RABGEF1: variants seen among roughly 807,000 people sequenced by gnomAD.
RABGEF1 encodes the protein RAB guanine nucleotide exchange factor 1, also known as rab5 GDP/GTP exchange factor.
A neutral mutation model predicts 57.3 loss-of-function variants in RABGEF1; 26 were observed. The observed-to-expected ratio is 0.45, with a 90% CI of 0.33 to 0.63. RABGEF1 has a LOEUF of 0.63. RABGEF1 is among the 20% of genes least tolerant of loss of function. The pLI is 0.02. For missense variants in RABGEF1, 464 were observed against 607.6 expected (o/e 0.76, Z 2.48); for synonymous variants, 185 against 210.7 (o/e 0.88, Z 1.06).
rs1266509136 is a variant in RABGEF1, at chr7:66,791,144, G to C, written c.514-4367G>C. Among the ~76,000 whole-genome samples, 13 of 152,228 alleles carry C rather than the reference G, an allele frequency of 8.5e-5. No homozygotes were observed. The South Asian group carries it at 1.0e-3, about 12-fold the overall frequency. On this transcript the variant is annotated intron_variant, in intron 4 of 8. Coordinates refer to ENST00000284957, the MANE Select transcript of RABGEF1 (RefSeq NM_014504.3). The stretch of plus-strand genomic sequence containing the variant: ...ATATGCGTTCCTTAGACACTGTCTA[G>C]CTGCTAAAAATGACGGATTTCTGGC...
chr7:66,672,179 T>C, the RABGEF1 span, among the ~76,000 whole-genome samples: 1 of 151,526 alleles, frequency 6.6e-6, no homozygotes, highest in African/African-American at 2.4e-5. Flanking sequence ...TCCCAGCACT[T>C]TGGGAGGCCG....
At chr7:66,743,720 C>T (rs1799538662) in intron 1 of RABGEF1, among the ~76,000 whole-genome samples, 1 of 152,136 alleles carries the variant, frequency 6.6e-6, no homozygotes, top group Admixed American at 6.5e-5. Flanking sequence ...CCAGGATGGT[C>T]TCAATCTCCT....
At chr7:66,790,789 C>G (rs1378647913) in intron 4 of RABGEF1, among the ~76,000 whole-genome samples, 2 of 152,192 alleles carry the variant, frequency 1.3e-5, no homozygotes, top group African/African-American at 4.8e-5. Flanking sequence ...AATGTGTTCT[C>G]TGATTTTTAG....
At chr7:66,755,953 A>G in intron 1 of RABGEF1, 4 of 836,842 alleles carry the variant, frequency 4.8e-6, no homozygotes, top group African/African-American at 3.5e-5. Flanking sequence ...AAACTCTGAC[A>G]TTGACATTCA....
At chr7:66,715,750 C>CT (rs962927162) in intron 2 of RABGEF1, among the ~76,000 whole-genome samples, 13 of 147,298 alleles carry the variant, frequency 8.8e-5, no homozygotes, top group South Asian at 6.4e-4. Flanking sequence ...GTTCTATATG[C>CT]TTTTTTTTTT....
At chr7:66,702,745 CA>C (rs1157248352) in intron 1 of RABGEF1, among the ~76,000 whole-genome samples, 6 of 152,112 alleles carry the variant, frequency 3.9e-5, no homozygotes, top group Non-Finnish European at 5.9e-5. Flanking sequence ...AACAGATTTT[CA>C]TGTGCTTTTT....
upstream of RABGEF1, among the ~76,000 whole-genome samples, chr7:66,736,467 G>A (rs575918640): frequency 2.0e-5 from 3 of 152,162 alleles, no homozygotes; most frequent in Admixed American, 6.6e-5. Flanking sequence ...TTTGGGCAAA[G>A]AATACAATGT....
intron 1 of RABGEF1, among the ~76,000 whole-genome samples, chr7:66,705,439 AAGAAAGAG>A (rs1481094918): frequency 1.2e-3 from 64 of 55,048 alleles, no homozygotes; most frequent in African/African-American, 3.0e-3. Flanking sequence ...TCCATCTCGA[AAGAAAGAG>A]AGAGAGAGAG....
rs201838145 is a variant in RABGEF1 at position 66,705,876 on chromosome 7, A to AT, written c.-872-6254dup. ...GGGCACACACCACCACACCCAGCTA[A>AT]TTTTTTTTTTTTTTTTTTTTTTTTT... On this transcript the variant is annotated intron_variant and NMD_transcript_variant, in intron 1 of 9. Transcript: ENST00000607882. Among the ~76,000 whole-genome samples, 38 of 45,172 alleles carry AT rather than the reference A, an allele frequency of 8.4e-4. 5 individuals are homozygous for AT. The highest frequency in any genetic ancestry group is 1.0e-3 in the Admixed American group (3 of 2,978). 29.6% of individuals were successfully genotyped at this position (45,172 alleles called of 152,430 possible). A position where few individuals can be genotyped will look rare whatever the true frequency, so the allele number is the denominator to read the frequency against.
At chr7:66,799,222 G>C in intron 6 of RABGEF1, 101 bp from the exon 7 acceptor site, 1 of 820,486 alleles carries the variant, frequency 1.2e-6, no homozygotes, top group Non-Finnish European at 2.0e-6. Context: ...GGGATTGAGT[G>C]GTCAGTGATG....
Position 66,805,355 on chromosome 7 carries a change from C to T in RABGEF1, c.1036C>T (p.Arg346Ter), listed in dbSNP as rs1469952737. Reference sequence around the variant, plus strand: ...TATCACGCGCTTCTGCAATCCAAGCCGACTGATGACTGGAGAGGATGGCTA... The same window carrying T: ...TATCACGCGCTTCTGCAATCCAAGCTGACTGATGACTGGAGAGGATGGCTA... ...QYITRFCNPS[R>*]LMTGEDGYYF... Residue 346 changes from arginine to a stop codon, truncating the protein, a stop_gained, in exon 8 of 9, where the codon CGA becomes TGA. Transcript: ENST00000284957. LOFTEE classifies it high-confidence loss of function. 6 of 1,614,188 alleles carry T rather than the reference C, an allele frequency of 3.7e-6. No individual in the cohort carries two copies. The highest frequency in any genetic ancestry group is 5.1e-6 in the Non-Finnish European group (6 of 1,180,038).
At chr7:66,760,838 A>G (rs562487539) in intron 1 of RABGEF1, among the ~76,000 whole-genome samples, 6 of 152,192 alleles carry the variant, frequency 3.9e-5, no homozygotes, top group African/African-American at 1.4e-4. Context: ...TGTGTTGCCC[A>G]GGCTGGTCTT....
At chr7:66,735,656 G>A (rs746572475) in intron 2 of RABGEF1, among the ~76,000 whole-genome samples, 11 of 152,044 alleles carry the variant, frequency 7.2e-5, no homozygotes, top group Non-Finnish European at 1.3e-4. Context: ...TGTGAGATCT[G>A]GTGGTTTAAA....
the RABGEF1 span, among the ~76,000 whole-genome samples, chr7:66,657,810 G>A: frequency 6.7e-6 from 1 of 149,248 alleles, no homozygotes; most frequent in Admixed American, 6.7e-5. Context: ...GACAGAGTGA[G>A]ACTCTATCTC....
At chr7:66,693,244 G>A (rs1452294091) in intron 1 of RABGEF1, among the ~76,000 whole-genome samples, 1 of 152,030 alleles carries the variant, frequency 6.6e-6, no homozygotes, top group Non-Finnish European at 1.5e-5. Flanking sequence ...GGCTGAATGG[G>A]TGGCAATTGG....
upstream of RABGEF1, among the ~76,000 whole-genome samples, chr7:66,680,588 T>A (rs1356432091): frequency 6.7e-6 from 1 of 149,110 alleles, no homozygotes; most frequent in Non-Finnish European, 1.5e-5. Flanking sequence ...CTAGCACACA[T>A]TAGGCACCTA....
chr7:66,677,435 C>CTT (rs1789352832), upstream of RABGEF1, among the ~76,000 whole-genome samples: 1 of 152,096 alleles, frequency 6.6e-6, no homozygotes, highest in Non-Finnish European at 1.5e-5. Context: ...AGAAACAAGA[C>CTT]AAGTACCAAC....
At chr7:66,696,459 G>A (rs1792347463) in intron 1 of RABGEF1, among the ~76,000 whole-genome samples, 1 of 152,054 alleles carries the variant, frequency 6.6e-6, no homozygotes, top group Admixed American at 6.6e-5. Context: ...AGAGGCCAAG[G>A]GAGGTGGATC....
chr7:66,748,285 G>T (rs1800691654), intron 1 of RABGEF1, among the ~76,000 whole-genome samples: 1 of 152,160 alleles, frequency 6.6e-6, no homozygotes, highest in African/African-American at 2.4e-5. Context: ...CGAGTACTTA[G>T]ATCTCTAGGC....
Sources: gnomAD v4.1 joint callset for allele counts (sites outside exome capture counted in the v4.1 genomes callset) on GRCh38, gnomAD v4.1.1 for gene constraint, MANE v1.5 for transcripts, NCBI Gene and HGNC (gene_info 2026-07-23, HGNC 2026-07-21) for gene names.